NSD2: variants seen among roughly 807,000 people sequenced by gnomAD.
NSD2 encodes the protein histone-lysine N-methyltransferase NSD2.
NSD2 carries 12 observed loss-of-function variants against 139.0 expected under a neutral mutation model. The observed-to-expected ratio is 0.09, with a 90% CI of 0.06 to 0.14. NSD2 has a LOEUF of 0.14. Among genes scored for constraint, NSD2 ranks in the 10% least tolerant of loss-of-function variants. The pLI is 1.00. For synonymous variants in NSD2, 669 were observed against 648.7 expected (o/e 1.03, Z -0.48); for missense variants, 1,155 against 1,745.0 (o/e 0.66, Z 6.02).
Position 1,963,028 on chromosome 4 carries a change from C to G in NSD2, c.3372+1877C>G, listed in dbSNP as rs139235064. Among the ~76,000 whole-genome samples the G allele has an allele frequency of 2.2e-4, 33 of 152,222 alleles. No homozygotes were observed. The East Asian group carries it at 6.4e-3, about 29-fold the overall frequency. ...TCTGGCATACCCTATGACATTGGAACAGGGATTCTGAAGTGCAAAATGAAC... is the reference window on the plus strand; with the variant it reads ...TCTGGCATACCCTATGACATTGGAAGAGGGATTCTGAAGTGCAAAATGAAC... On this transcript the variant is annotated intron_variant, in intron 18 of 21. Coordinates refer to ENST00000508803, the MANE Select transcript of NSD2 (RefSeq NM_001042424.3).
At chr4:1,937,782 C>T (rs145928508) in intron 7 of NSD2, among the ~76,000 whole-genome samples, 7 of 152,308 alleles carry the variant, frequency 4.6e-5, no homozygotes, top group African/African-American at 1.4e-4. Flanking sequence ...CCCTGGGCAG[C>T]GCTGCTCTAG....
chr4:1,938,545 G>A lies in NSD2; in HGVS notation c.1756+13G>A. The A allele has an allele frequency of 6.2e-7, 1 of 1,600,866 alleles. No homozygotes were observed. Among genetic ancestry groups the A allele is most frequent in the Non-Finnish European group, 8.5e-7 (1 of 1,173,942 alleles). ...AAGAGCCAGGCAGGTAATGTGGTCA[G>A]CGCCCTTTCCTTCTTGGCTTCTGGG... On this transcript the variant is annotated intron_variant, in intron 8 of 21. Coordinates refer to ENST00000508803, the MANE Select transcript of NSD2 (RefSeq NM_001042424.3).
chr4:1,930,576 A>G lies in NSD2; in HGVS notation c.1411-50A>G, dbSNP rs58010570. On this transcript the variant is annotated intron_variant, in intron 5 of 21. Transcript: ENST00000508803. ...TTGATTTCATGCAAAACAAAACCCA[A>G]TGAGTTTTACGGATTTAACTTCTCA... is the stretch of plus-strand genomic sequence containing the variant. 6.2e-3 allele frequency: 9,546 copies of G among 1,531,956 alleles called. 455 individuals carry two copies. The African/African-American group carries it at 0.11, about 18-fold the overall frequency. The allele number at this position is 1,531,956 out of a possible 1,614,324, so 94.9% of individuals were successfully genotyped here.
rs1257310437 is a variant in NSD2, at chr4:1,872,585, TGTGTGTGAGAGAGAGAGA to T, written c.-30+1045_-30+1062del. ...TATTTTGTGTGTGTGTGTGTGTGTG[TGTGTGTGAGAGAGAGAGA>T]GAGAGAGAGAGAGAGAGAGAGAGAG... On this transcript the variant is annotated intron_variant, in intron 1 of 21. Transcript: ENST00000508803. Among the ~76,000 whole-genome samples the T allele has an allele frequency of 8.6e-3, 489 of 56,566 alleles. 4 individuals are homozygous for T. Among genetic ancestry groups the T allele is most frequent in the African/African-American group, 0.026 (462 of 17,878 alleles). The allele number at this position is 56,566 out of a possible 152,430, so 37.1% of individuals were successfully genotyped here. A position where few individuals can be genotyped will look rare whatever the true frequency, so the allele number is the denominator to read the frequency against.
chr4:1,940,855 C>T, intron 9 of NSD2: 1 of 1,057,430 alleles, frequency 9.5e-7, no homozygotes, highest in Non-Finnish European at 1.1e-6. Flanking sequence ...ACCTAGGCAA[C>T]CTGGGCGGGG....
intron 17 of NSD2, 37 bp downstream of exon 17, chr4:1,959,777 T>C (rs1725184500): frequency 1.3e-6 from 2 of 1,599,320 alleles, no homozygotes; most frequent in Non-Finnish European, 1.7e-6. Flanking sequence ...TTTTGAGAAA[T>C]TACGGTTCAC....
rs1243852761 is a variant in NSD2, at chr4:1,958,411, G to A, written c.2985+375G>A. Among the ~76,000 whole-genome samples the A allele has an allele frequency of 1.3e-5, 2 of 152,244 alleles. No individual in the cohort carries two copies. The highest frequency in any genetic ancestry group is 2.9e-5 in the Non-Finnish European group (2 of 68,030). On this transcript the variant is annotated intron_variant, in intron 16 of 21. Transcript: ENST00000508803. This position sits in a 1 kb window ranked among gnomAD's most constrained non-coding sequence, Gnocchi z 4.6. ...TCAGTGACTGAGCCCCAAACACGTA[G>A]ATCCTGTACCTCAGAGAGCAAGATG...
intron 9 of NSD2, among the ~76,000 whole-genome samples, chr4:1,949,019 G>C (rs1006913923): frequency 2.0e-5 from 3 of 152,260 alleles, no homozygotes; most frequent in Non-Finnish European, 4.4e-5. Context: ...TTGGGCGACT[G>C]TGTGGGTGAC....
chr4:1,904,064 GAGGCTATCAT>G, intron 2 of NSD2, 142 bp from the exon 3 acceptor site: 1 of 842,908 alleles, frequency 1.2e-6, no homozygotes. Flanking sequence ...AAACGATGTT[GAGGCTATCAT>G]CTAAAACACA....
chr4:1,951,727 G>A (rs1481970644), intron 10 of NSD2, among the ~76,000 whole-genome samples: 1 of 152,204 alleles, frequency 6.6e-6, no homozygotes, highest in Non-Finnish European at 1.5e-5. Context: ...TCCATGCCAG[G>A]CAGTCGATGC....
chr4:1,962,689 T>G (rs1389191633), intron 18 of NSD2, among the ~76,000 whole-genome samples: 2 of 152,198 alleles, frequency 1.3e-5, no homozygotes, highest in Non-Finnish European at 2.9e-5. Context: ...TATTTTTCTT[T>G]TTTGAGACAG....
intron 3 of NSD2, among the ~76,000 whole-genome samples, chr4:1,906,346 C>T (rs922150664): frequency 2.6e-5 from 4 of 152,070 alleles, no homozygotes; most frequent in African/African-American, 9.7e-5. Context: ...TCAGGTGATC[C>T]TTCCATCTCA....
intron 1 of NSD2, among the ~76,000 whole-genome samples, chr4:1,888,764 C>T (rs1474706878): frequency 2.6e-5 from 4 of 151,768 alleles, no homozygotes; most frequent in African/African-American, 7.3e-5. Context: ...TGGGGTTTCA[C>T]CATGTTGGCA....
rs755819015 is a variant in NSD2 at position 1,900,753 on chromosome 4, G to T, written c.99G>T (p.Gly33=). 3 of 1,614,158 alleles carry T rather than the reference G, an allele frequency of 1.9e-6. No homozygotes were observed. Among genetic ancestry groups the T allele is most frequent in the Non-Finnish European group, 2.5e-6 (3 of 1,180,032 alleles). The part of the protein sequence containing the change: ...QAPEILGSAN[G]KTPSCEVNRE... ...CAGAAATCCTCGGCAGTGCCAACGGGAAGACTCCGAGCTGCGAGGTGAACC... is the reference window on the plus strand; with the variant it reads ...CAGAAATCCTCGGCAGTGCCAACGGTAAGACTCCGAGCTGCGAGGTGAACC... The change falls in exon 2 of 22, where the codon GGG becomes GGT. Residue 33 remains glycine (G), a synonymous_variant. Coordinates refer to ENST00000508803, the MANE Select transcript of NSD2 (RefSeq NM_001042424.3).
At chr4:1,884,109 G>T (rs1322976119) in intron 1 of NSD2, among the ~76,000 whole-genome samples, 1 of 151,918 alleles carries the variant, frequency 6.6e-6, no homozygotes, top group African/African-American at 2.4e-5. Context: ...TTTTTTGTCG[G>T]GGAGGAGATG....
At chr4:1,947,956 G>A in intron 9 of NSD2, 1 of 1,056,898 alleles carries the variant, frequency 9.5e-7, no homozygotes, top group Non-Finnish European at 1.1e-6. Flanking sequence ...CACCCTGAAG[G>A]GCCACGTGCT....
intron 1 of NSD2, among the ~76,000 whole-genome samples, chr4:1,898,393 G>A (rs953973249): frequency 9.2e-5 from 14 of 152,158 alleles, no homozygotes; most frequent in Non-Finnish European, 7.3e-5. Context: ...GGCCAGGTGC[G>A]GTGGCTCACG....
At position 1,957,834 on chromosome 4, in the gene NSD2, T is replaced by TAA. The variant is rs954447532; in HGVS notation, c.2882-98_2882-97dup. On this transcript the variant is annotated intron_variant, in intron 15 of 21. Transcript: ENST00000508803. ...TTTTATGGGAACCAGAAACTATACT[T>TAA]AACATTGAAAGTTTAGAGTGAACTA... 3 of 1,143,892 alleles carry TAA rather than the reference T, an allele frequency of 2.6e-6. No homozygotes were observed. In the African/African-American group the frequency reaches 4.6e-5, roughly 18 times the overall value. 70.9% of individuals were successfully genotyped at this position (1,143,892 alleles called of 1,614,324 possible). A position where few individuals can be genotyped will look rare whatever the true frequency, so the allele number is the denominator to read the frequency against.
At chr4:1,941,193 G>T (rs777307335) in intron 9 of NSD2, 23 of 1,053,348 alleles carry the variant, frequency 2.2e-5, no homozygotes, top group Non-Finnish European at 2.3e-5. Context: ...TAAATGAAAG[G>T]TCATTTACAG....
Sources: allele counts gnomAD v4.1 joint callset (sites outside exome capture counted in the v4.1 genomes callset), GRCh38; gene constraint gnomAD v4.1.1; non-coding constraint Gnocchi (gnomAD v3.1); transcripts MANE v1.5; gene names NCBI Gene and HGNC (gene_info 2026-07-23, HGNC 2026-07-21).